The following C13orf46 variants were observed in gnomAD, a reference collection of about 807,000 sequenced individuals.
C13orf46 encodes the protein uncharacterized protein C13orf46.
the C13orf46 span, among the ~76,000 whole-genome samples, chr13:113,932,258 C>T: frequency 6.6e-6 from 1 of 152,202 alleles, no homozygotes; most frequent in African/African-American, 2.4e-5. Flanking sequence ...CCAGAACAGA[C>T]ATGTCTGGGT....
intron 5 of C13orf46, among the ~76,000 whole-genome samples, chr13:113,966,356 AT>A (rs1404205118): frequency 1.8e-5 from 2 of 113,998 alleles, no homozygotes; most frequent in South Asian, 2.4e-4. Context: ...AATGACGGTG[AT>A]GATATTAATG....
the C13orf46 span, among the ~76,000 whole-genome samples, chr13:113,932,509 C>A: frequency 6.6e-6 from 1 of 152,220 alleles, no homozygotes; most frequent in East Asian, 1.9e-4. Flanking sequence ...GTGCTTCTGT[C>A]TGTTAATATA....
At chr13:113,963,360 C>CCTGTCCTCAGCCTCGGCCCCT (rs878857362) in intron 6 of C13orf46, among the ~76,000 whole-genome samples, 4 of 41,500 alleles carry the variant, frequency 9.6e-5, no homozygotes, top group African/African-American at 2.5e-4. Context: ...AGCCTCGGCC[C>CCTGTCCTCAGCCTCGGCCCCT]GTCCTCAGCC....
rs2052502568 is a variant in C13orf46, at chr13:113,954,221, C to A, written c.*2552G>T. The A allele has an allele frequency of 1.3e-5, 2 of 152,390 alleles. No individual in the cohort carries two copies. The highest frequency in any genetic ancestry group is 1.3e-4 in the Admixed American group (2 of 15,312). The allele number at this position is 152,390 out of a possible 1,614,324, so 9.4% of individuals were successfully genotyped here. A position where few individuals can be genotyped will look rare whatever the true frequency, so the allele number is the denominator to read the frequency against. ...CCACGGGAATAGACAGTGCACACAG[C>A]ATCTCCGCCTGTGGCCTCTGACTGC... On this transcript the variant is annotated 3_prime_UTR_variant, in exon 7 of 7. Coordinates refer to ENST00000636427, the MANE Select transcript of C13orf46 (RefSeq NM_001365455.2).
chr13:113,931,893 C>T, the C13orf46 span, among the ~76,000 whole-genome samples: 1 of 152,226 alleles, frequency 6.6e-6, no homozygotes, highest in Non-Finnish European at 1.5e-5. Flanking sequence ...ACCCACAGAG[C>T]CATGACCACA....
At chr13:113,945,591 G>GA in the C13orf46 span, among the ~76,000 whole-genome samples, 35 of 114,300 alleles carry the variant, frequency 3.1e-4, no homozygotes, top group Middle Eastern at 8.4e-3. Context: ...GAGAGAGAGA[G>GA]AGAAAGAAAG....
At chr13:113,939,884 G>A in the C13orf46 span, among the ~76,000 whole-genome samples, 4 of 152,356 alleles carry the variant, frequency 2.6e-5, no homozygotes, top group South Asian at 2.1e-4. Flanking sequence ...ACGATTCAGC[G>A]TGAAAAACAC....
At chr13:113,950,983 G>C (rs929487206), downstream of C13orf46, among the ~76,000 whole-genome samples, 1 of 152,230 alleles carries the variant, frequency 6.6e-6, no homozygotes, top group Non-Finnish European at 1.5e-5. Flanking sequence ...GGATGTCCAC[G>C]GCTGAGGGTT....
At position 113,956,692 on chromosome 13, in the gene C13orf46, C is replaced by T. The variant is rs2052537665; in HGVS notation, c.*81G>A. The stretch of plus-strand genomic sequence containing the variant: ...AGTAGGTGGCCGGATCGCCCTCCGT[C>T]CCGCCTCCTGTGCCCCCAGCCCCTC... On this transcript the variant is annotated 3_prime_UTR_variant, in exon 7 of 7. Coordinates refer to ENST00000636427, the MANE Select transcript of C13orf46 (RefSeq NM_001365455.2). The T allele has an allele frequency of 6.6e-6, 1 of 152,396 alleles. No individual in the cohort carries two copies. The allele number at this position is 152,396 out of a possible 1,614,324, so 9.4% of individuals were successfully genotyped here. A position where few individuals can be genotyped will look rare whatever the true frequency, so the allele number is the denominator to read the frequency against.
chr13:113,946,243 G>A, the C13orf46 span, among the ~76,000 whole-genome samples: 2 of 152,192 alleles, frequency 1.3e-5, no homozygotes, highest in East Asian at 1.9e-4. Context: ...TTGGACCAAC[G>A]TCGCGTGGAG....
downstream of C13orf46, among the ~76,000 whole-genome samples, chr13:113,951,799 G>A (rs917311264): frequency 6.6e-6 from 1 of 152,212 alleles, no homozygotes; most frequent in African/African-American, 2.4e-5. Flanking sequence ...TGCTGAACTC[G>A]ACTGTCTACG....
At chr13:113,933,567 T>C in the C13orf46 span, among the ~76,000 whole-genome samples, 1 of 152,232 alleles carries the variant, frequency 6.6e-6, no homozygotes. Context: ...TGGGATTGTG[T>C]TGATTCTGGA....
At chr13:113,965,387 C>T (rs2052625591) in intron 5 of C13orf46, among the ~76,000 whole-genome samples, 1 of 152,184 alleles carries the variant, frequency 6.6e-6, no homozygotes, top group South Asian at 2.1e-4. Context: ...CTTAAACTTG[C>T]CAAGAAAGAA....
chr13:113,946,050 G>A, the C13orf46 span, among the ~76,000 whole-genome samples: 5 of 152,252 alleles, frequency 3.3e-5, no homozygotes, highest in African/African-American at 4.8e-5. Flanking sequence ...CCCGTTCACC[G>A]TGAGTGAATG....
At chr13:113,964,330 C>T (rs914890559) in intron 6 of C13orf46, among the ~76,000 whole-genome samples, 1 of 152,218 alleles carries the variant, frequency 6.6e-6, no homozygotes, top group African/African-American at 2.4e-5. Context: ...GGGCCAGTGT[C>T]TTCTCTCCCC....
chr13:113,972,562 A>G (rs2052719228), intron 1 of C13orf46, among the ~76,000 whole-genome samples: 1 of 152,136 alleles, frequency 6.6e-6, no homozygotes, highest in Admixed American at 6.5e-5. Context: ...CTGGGCCAGT[A>G]TTCAAGGTGT....
chr13:113,948,184 C>G, the C13orf46 span, among the ~76,000 whole-genome samples: 1 of 152,188 alleles, frequency 6.6e-6, no homozygotes, highest in African/African-American at 2.4e-5. Context: ...AGACATGACT[C>G]AGCATGAAAG....
At chr13:113,947,138 T>TG in the C13orf46 span, among the ~76,000 whole-genome samples, 2 of 152,212 alleles carry the variant, frequency 1.3e-5, no homozygotes, top group Non-Finnish European at 2.9e-5. Context: ...AAGGGGCCTT[T>TG]GGCCCTGGAA....
At chr13:113,963,853 G>A (rs947542472) in intron 6 of C13orf46, among the ~76,000 whole-genome samples, 1 of 152,170 alleles carries the variant, frequency 6.6e-6, no homozygotes, top group African/African-American at 2.4e-5. Context: ...TAATGTAACT[G>A]TTGTTTGTTT....
Sources: gnomAD v4.1 joint callset for allele counts (sites outside exome capture counted in the v4.1 genomes callset) on GRCh38, gnomAD v4.1.1 for gene constraint, MANE v1.5 for transcripts, NCBI Gene and HGNC (gene_info 2026-07-23, HGNC 2026-07-21) for gene names.